The following SCN10A variants were observed in gnomAD, a reference collection of about 807,000 sequenced individuals.
SCN10A encodes sodium voltage-gated channel alpha subunit 10.
Under a neutral mutation model 170.7 loss-of-function variants are expected in SCN10A, and 162 were observed. That is an observed-to-expected ratio of 0.95 (90% CI 0.84 to 1.08). The LOEUF (loss-of-function observed/expected upper bound fraction) is 1.08. Among genes scored for constraint, SCN10A ranks in the 50% least tolerant of loss-of-function variants. The pLI, the probability that SCN10A is intolerant of heterozygous loss-of-function variation, is 0.00. For synonymous variants in SCN10A, 985 were observed against 904.6 expected, an observed-to-expected ratio of 1.09 and a Z score of -1.59; for missense variants, 2,527 against 2,436.9, an observed-to-expected ratio of 1.04 and a Z score of -0.78.
At chr3:38,772,727 AAAC>A (rs869249911) in intron 4 of SCN10A, among the ~76,000 whole-genome samples, 2 of 89,138 alleles carry the variant, frequency 2.2e-5, no homozygotes, top group African/African-American at 5.6e-5. Context: ...ACAACAACAA[AAAC>A]AAAAACAAAA....
chr3:38,762,777 A>G (rs2063889636), intron 6 of SCN10A, among the ~76,000 whole-genome samples: 1 of 152,218 alleles, frequency 6.6e-6, no homozygotes, highest in Non-Finnish European at 1.5e-5. Context: ...ATGGTAGAAA[A>G]GACTTCCACT....
At chr3:38,712,775 T>C (rs1475816298) in intron 22 of SCN10A, among the ~76,000 whole-genome samples, 2 of 152,132 alleles carry the variant, frequency 1.3e-5, no homozygotes, top group African/African-American at 4.8e-5. Flanking sequence ...CTTGACTTAT[T>C]CTCCTTAAAT....
chr3:38,712,047 A>G, intron 23 of SCN10A, 114 bp downstream of exon 23: 1 of 1,002,702 alleles, frequency 1.0e-6, no homozygotes, highest in Non-Finnish European at 1.5e-6. Context: ...ACCTCAGTTC[A>G]CACTGAGTGC....
chr3:38,761,565 T>G (rs2063872690), intron 6 of SCN10A, among the ~76,000 whole-genome samples, 182 bp from the exon 7 acceptor site: 1 of 151,964 alleles, frequency 6.6e-6, no homozygotes, highest in Admixed American at 6.6e-5. Context: ...AGGCAGAGAG[T>G]CAGGGGCTAT....
chr3:38,739,120 G>A lies in SCN10A; in HGVS notation c.2280+395C>T, dbSNP rs569196602. The stretch of plus-strand genomic sequence containing the variant: ...ACCCACCCCTGAGGATCTTAAAAAC[G>A]ACTATCTCTCAGGGTTGTTGTGAGC... On this transcript the variant is annotated intron_variant, in intron 15 of 27. Coordinates refer to ENST00000449082, the MANE Select transcript of SCN10A (RefSeq NM_006514.4). 1.4e-3 allele frequency among the ~76,000 whole-genome samples: 217 copies of A among 152,212 alleles called. 1 individual carries two copies. Among genetic ancestry groups the A allele is most frequent in the Non-Finnish European group, 2.2e-3 (153 of 68,000 alleles).
At chr3:38,804,614 T>C (rs1575188080) in intron 1 of SCN10A, among the ~76,000 whole-genome samples, 1 of 152,144 alleles carries the variant, frequency 6.6e-6, no homozygotes, top group African/African-American at 2.4e-5. Flanking sequence ...AAAGAGCTTT[T>C]CACCTGACAC....
At chr3:38,804,219 C>T (rs1055132907) in intron 1 of SCN10A, among the ~76,000 whole-genome samples, 1 of 152,048 alleles carries the variant, frequency 6.6e-6, no homozygotes, top group Non-Finnish European at 1.5e-5. Flanking sequence ...ACAATATTGC[C>T]TCTGTTTTTC....
intron 6 of SCN10A, among the ~76,000 whole-genome samples, chr3:38,761,849 A>T (rs974300221): frequency 4.6e-5 from 7 of 151,616 alleles, no homozygotes; most frequent in East Asian, 1.9e-4. Context: ...AGAGAGAGAG[A>T]GAGAGAGAGA....
At position 38,722,251 on chromosome 3, in the gene SCN10A, C is replaced by G; in HGVS notation, c.3507+7G>C. 1 of 1,612,724 alleles carries G rather than the reference C, an allele frequency of 6.2e-7. No individual in the cohort carries two copies. The highest frequency in any genetic ancestry group is 8.5e-7 in the Non-Finnish European group (1 of 1,179,240). ...GATTTGGGGGCAGGGACTATGCCTC[C>G]CCTTACCAGAGATCCACTGCTGAGC... On this transcript the variant is annotated splice_region_variant and intron_variant, in intron 20 of 27. Coordinates refer to ENST00000449082, the MANE Select transcript of SCN10A (RefSeq NM_006514.4).
At chr3:38,797,000 A>C (rs2064344914) in intron 1 of SCN10A, among the ~76,000 whole-genome samples, 1 of 152,114 alleles carries the variant, frequency 6.6e-6, no homozygotes, top group African/African-American at 2.4e-5. Flanking sequence ...TAATAGCTGA[A>C]AAACTAAAGA....
At chr3:38,769,473 T>C (rs1332831753) in intron 5 of SCN10A, among the ~76,000 whole-genome samples, 1 of 152,114 alleles carries the variant, frequency 6.6e-6, no homozygotes, top group East Asian at 1.9e-4. Context: ...ACTTCTGACC[T>C]CAGGTGATCT....
At chr3:38,742,037 C>T (rs933266572) in intron 14 of SCN10A, among the ~76,000 whole-genome samples, 1 of 152,208 alleles carries the variant, frequency 6.6e-6, no homozygotes, top group African/African-American at 2.4e-5. Context: ...CCTCTGGCTC[C>T]AGGCTCTCCT....
At chr3:38,733,666 C>T (rs1009064675) in intron 15 of SCN10A, among the ~76,000 whole-genome samples, 19 of 151,964 alleles carry the variant, frequency 1.3e-4, no homozygotes, top group African/African-American at 1.7e-4. Context: ...CAGACACGTG[C>T]CATCATGCCC....
intron 27 of SCN10A, 29 bp downstream of exon 27, chr3:38,701,810 G>A: frequency 1.9e-6 from 3 of 1,574,194 alleles, no homozygotes; most frequent in Non-Finnish European, 2.6e-6. Context: ...CAGAGGTGGG[G>A]CTTCCCCACC....
chr3:38,810,068 AC>A (rs2064430541), intron 1 of SCN10A, among the ~76,000 whole-genome samples: 1 of 152,114 alleles, frequency 6.6e-6, no homozygotes, highest in Non-Finnish European at 1.5e-5. Context: ...GAAGTTCCCC[AC>A]TGGGAACTTG....
chr3:38,784,531 A>C (rs1575176447), intron 4 of SCN10A, among the ~76,000 whole-genome samples: 1 of 152,188 alleles, frequency 6.6e-6, no homozygotes, highest in Non-Finnish European at 1.5e-5. Flanking sequence ...TATCATACTG[A>C]ATGGGCAAAA....
At position 38,722,339 on chromosome 3, in the gene SCN10A, G is replaced by T. The variant is rs761996873; in HGVS notation, c.3426C>A (p.Arg1142=). The change falls in exon 20 of 28, where the codon CGC becomes CGA. Residue 1142 remains arginine, a synonymous_variant. Coordinates refer to ENST00000449082, the MANE Select transcript of SCN10A (RefSeq NM_006514.4). The stretch of plus-strand genomic sequence containing the variant: ...GCTCCACGATACGGTAGCAAGTCTT[G>T]CGCACCTGCCAGCCCACATCCCATG... ...KSPWDVGWQV[R]KTCYRIVEHS... is the part of the protein sequence containing the mutation. 1 of 1,614,128 alleles carries T rather than the reference G, an allele frequency of 6.2e-7. No homozygotes were observed. The highest frequency in any genetic ancestry group is 8.5e-7 in the Non-Finnish European group (1 of 1,180,016).
Position 38,722,245 on chromosome 3 carries a change from T to G in SCN10A, c.3507+13A>C, listed in dbSNP as rs751514125. 4 of 1,611,872 alleles carry G rather than the reference T, an allele frequency of 2.5e-6. No homozygotes were observed. In the South Asian group the frequency reaches 3.3e-5, roughly 13 times the overall value. The stretch of plus-strand genomic sequence containing the variant: ...CTGGAGGATTTGGGGGCAGGGACTA[T>G]GCCTCCCCTTACCAGAGATCCACTG... On this transcript the variant is annotated intron_variant, in intron 20 of 27. Transcript: ENST00000449082.
chr3:38,748,977 A>G (rs1228159731), intron 13 of SCN10A, among the ~76,000 whole-genome samples: 1 of 152,192 alleles, frequency 6.6e-6, no homozygotes, highest in African/African-American at 2.4e-5. Flanking sequence ...TTGTTAATGC[A>G]CTGCTCTTCT....
Sources: allele counts gnomAD v4.1 joint callset (sites outside exome capture counted in the v4.1 genomes callset), GRCh38; gene constraint gnomAD v4.1.1; transcripts MANE v1.5; gene names NCBI Gene and HGNC (gene_info 2026-07-23, HGNC 2026-07-21).